Variants in OSBPL1A observed in about 807,000 individuals in gnomAD.
OSBPL1A encodes oxysterol-binding protein-related protein 1.
Under a neutral mutation model 137.1 loss-of-function variants are expected in OSBPL1A, and 80 were observed. The ratio of observed to expected loss-of-function variants is 0.58; its 90% CI spans 0.49 to 0.70. OSBPL1A has a LOEUF of 0.70. Ranked by LOEUF, OSBPL1A falls within the 30% of genes least tolerant of loss-of-function variation. The pLI is 0.00. For missense variants in OSBPL1A, 970 were observed against 1,129.4 expected, an observed-to-expected ratio of 0.86 and a Z score of 2.02; for synonymous variants, 365 against 389.7, an observed-to-expected ratio of 0.94 and a Z score of 0.75.
chr18:24,377,331 G>A, intron 2 of OSBPL1A, 82 bp downstream of exon 2: 1 of 1,442,912 alleles, frequency 6.9e-7, no homozygotes, highest in Non-Finnish European at 9.2e-7. Context: ...TTACATGATA[G>A]ATAAGAAAGG....
At chr18:24,305,902 C>T (rs1455388140) in intron 13 of OSBPL1A, among the ~76,000 whole-genome samples, 1 of 152,206 alleles carries the variant, frequency 6.6e-6, no homozygotes, top group Non-Finnish European at 1.5e-5. Context: ...GCTCCTCCTT[C>T]ACCTTCCACC....
Position 24,271,623 on chromosome 18 carries a change from T to C in OSBPL1A, c.1281+9219A>G. ...CGAGCTGCAAATACACCCACCTACC[T>C]GGGCCAGATCCGAGGACCCCGGCTG... On this transcript the variant is annotated intron_variant, in intron 15 of 27. Coordinates refer to ENST00000319481, the MANE Select transcript of OSBPL1A (RefSeq NM_080597.4). The surrounding 1 kb of genome is among the most constrained non-coding windows in gnomAD (Gnocchi z 4.0). The C allele has an allele frequency of 1.0e-6, 1 of 985,888 alleles. No individual in the cohort carries two copies. The highest frequency in any genetic ancestry group is 1.2e-6 in the Non-Finnish European group (1 of 830,354). The allele number at this position is 985,888 out of a possible 1,614,324, so 61.1% of individuals were successfully genotyped here.
chr18:24,314,367 G>C lies in OSBPL1A; in HGVS notation c.871-20C>G. ...TTTTACCTTGGATATAAAGAAGTCA[G>C]TAAGACAACATTCATTCACATAAAA... is the stretch of plus-strand genomic sequence containing the variant. On this transcript the variant is annotated intron_variant, in intron 11 of 27. Transcript: ENST00000319481. 6.6e-7 allele frequency: 1 copy of C among 1,521,204 alleles called. No individual in the cohort carries two copies. Among genetic ancestry groups the C allele is most frequent in the Non-Finnish European group, 9.0e-7 (1 of 1,112,294 alleles). The allele number at this position is 1,521,204 out of a possible 1,614,324, so 94.2% of individuals were successfully genotyped here. A position where few individuals can be genotyped will look rare whatever the true frequency, so the allele number is the denominator to read the frequency against.
intron 14 of OSBPL1A, among the ~76,000 whole-genome samples, chr18:24,292,870 C>T (rs1258201335): frequency 6.6e-6 from 1 of 151,982 alleles, no homozygotes; most frequent in Non-Finnish European, 1.5e-5. Flanking sequence ...CTTTGGGAGG[C>T]TGAAGTGGGT....
At chr18:24,392,989 C>T (rs1599746012) in intron 1 of OSBPL1A, among the ~76,000 whole-genome samples, 1 of 152,164 alleles carries the variant, frequency 6.6e-6, no homozygotes, top group East Asian at 1.9e-4. Context: ...CTCGCCCAGC[C>T]TGTAGTTAGC....
At chr18:24,354,748 C>CAAAAAAAAAAA (rs59694707) in intron 4 of OSBPL1A, among the ~76,000 whole-genome samples, 19 of 77,082 alleles carry the variant, frequency 2.5e-4, no homozygotes, top group Admixed American at 5.2e-4. Flanking sequence ...CTCAATATAG[C>CAAAAAAAAAAA]AAAAAAAAAA....
At chr18:24,184,547 C>T (rs1438605993) in intron 18 of OSBPL1A, among the ~76,000 whole-genome samples, 1 of 152,208 alleles carries the variant, frequency 6.6e-6, no homozygotes, top group Non-Finnish European at 1.5e-5. Context: ...ATTTCCTACT[C>T]TTTCCAACTG....
intron 2 of OSBPL1A, among the ~76,000 whole-genome samples, chr18:24,373,777 C>A (rs1389433782): frequency 6.6e-6 from 1 of 152,096 alleles, no homozygotes; most frequent in African/African-American, 2.4e-5. Context: ...CGGGAAGGAA[C>A]CCCCCACATG....
intron 18 of OSBPL1A, among the ~76,000 whole-genome samples, chr18:24,191,540 A>AG (rs201757976): frequency 0.081 from 6,158 of 76,192 alleles, 454 homozygotes; most frequent in East Asian, 0.54. Context: ...ATAACATTTT[A>AG]CCTTTGTTAA....
At chr18:24,188,572 G>A (rs771485882) in intron 18 of OSBPL1A, among the ~76,000 whole-genome samples, 9 of 152,110 alleles carry the variant, frequency 5.9e-5, no homozygotes, top group Non-Finnish European at 1.3e-4. Context: ...CAGAATGAAC[G>A]CATTCAAGAA....
chr18:24,246,193 CA>C (rs2088879294), intron 15 of OSBPL1A, among the ~76,000 whole-genome samples: 1 of 151,956 alleles, frequency 6.6e-6, no homozygotes, highest in Non-Finnish European at 1.5e-5. Flanking sequence ...GCCTGGGCAA[CA>C]AGAGCGAAAC....
chr18:24,377,709 T>C (rs1260022448), intron 1 of OSBPL1A, among the ~76,000 whole-genome samples, 174 bp from the exon 2 acceptor site: 4 of 152,202 alleles, frequency 2.6e-5, no homozygotes, highest in Non-Finnish European at 5.9e-5. Flanking sequence ...CCCTTGCCCT[T>C]CCTATTATTA....
At chr18:24,181,772 C>A (rs1424206041) in intron 18 of OSBPL1A, among the ~76,000 whole-genome samples, 1 of 152,198 alleles carries the variant, frequency 6.6e-6, no homozygotes, top group Non-Finnish European at 1.5e-5. Flanking sequence ...AAACTAACCT[C>A]TATCTAGGAA....
At chr18:24,166,745 T>C (rs772689707) in intron 25 of OSBPL1A, 43 bp from the exon 26 acceptor site, 1 of 1,576,842 alleles carries the variant, frequency 6.3e-7, no homozygotes, top group South Asian at 1.2e-5. Context: ...TGCCAAGGCA[T>C]AATGCAAAAT....
intron 7 of OSBPL1A, among the ~76,000 whole-genome samples, chr18:24,330,346 C>T (rs527624552): frequency 3.9e-5 from 6 of 152,212 alleles, no homozygotes; most frequent in African/African-American, 1.4e-4. Context: ...AATACCCTTT[C>T]CCAAACTCCT....
chr18:24,223,353 T>A (rs1404957709), intron 17 of OSBPL1A, among the ~76,000 whole-genome samples: 1 of 152,138 alleles, frequency 6.6e-6, no homozygotes, highest in Non-Finnish European at 1.5e-5. Flanking sequence ...TGAAAGCTAC[T>A]TTTTAAAAAT....
intron 15 of OSBPL1A, among the ~76,000 whole-genome samples, chr18:24,254,499 T>A (rs2089209278): frequency 6.6e-6 from 1 of 152,190 alleles, no homozygotes; most frequent in Non-Finnish European, 1.5e-5. Flanking sequence ...ATCAAGTATC[T>A]TCTGATCACA....
chr18:24,285,851 G>A (rs2090058272), intron 14 of OSBPL1A, among the ~76,000 whole-genome samples: 1 of 152,128 alleles, frequency 6.6e-6, no homozygotes, highest in Non-Finnish European at 1.5e-5. Flanking sequence ...AATGATTGAA[G>A]TCCATTTTAA....
At chr18:24,170,647 C>T (rs1276819759) in intron 23 of OSBPL1A, 194 bp from the exon 24 acceptor site, 2 of 578,878 alleles carry the variant, frequency 3.5e-6, no homozygotes, top group African/African-American at 3.8e-5. Context: ...TTGAATATTA[C>T]TATAAAGGTG....
Sources: gnomAD v4.1 joint callset for allele counts (sites outside exome capture counted in the v4.1 genomes callset) on GRCh38, gnomAD v4.1.1 for gene constraint, Gnocchi (gnomAD v3.1) non-coding constraint, MANE v1.5 for transcripts, NCBI Gene and HGNC (gene_info 2026-07-23, HGNC 2026-07-21) for gene names.